The following SELP variants were observed in gnomAD, a reference collection of about 807,000 sequenced individuals.
SELP encodes P-selectin.
A neutral mutation model predicts 104.1 loss-of-function variants in SELP; 92 were observed. The ratio of observed to expected loss-of-function variants is 0.88; its 90% CI spans 0.75 to 1.05. The LOEUF (loss-of-function observed/expected upper bound fraction) is 1.05, where lower values mean the gene tolerates loss of function less well. SELP is among the 50% of genes least tolerant of loss of function. SELP has a pLI of 0.00. For missense variants in SELP, 1,022 were observed against 1,017.3 expected, an observed-to-expected ratio of 1.00 and a Z score of -0.06; for synonymous variants, 397 against 364.5, an observed-to-expected ratio of 1.09 and a Z score of -1.01.
chr1:169,605,448 A>G (rs180797913), intron 9 of SELP, among the ~76,000 whole-genome samples: 1 of 143,974 alleles, frequency 6.9e-6, no homozygotes, highest in East Asian at 2.5e-4. Flanking sequence ...TCATTCATTC[A>G]TTTACTGTTG....
chr1:169,622,875 C>T (rs560723132), intron 1 of SELP, among the ~76,000 whole-genome samples: 2 of 152,218 alleles, frequency 1.3e-5, no homozygotes, highest in East Asian at 3.9e-4. Flanking sequence ...TAAGAGCCTG[C>T]TTGTGGTCTT....
At chr1:169,601,619 C>T (rs1046111660) in intron 10 of SELP, among the ~76,000 whole-genome samples, 5 of 152,196 alleles carry the variant, frequency 3.3e-5, no homozygotes, top group African/African-American at 1.2e-4. Flanking sequence ...AGTAAATTCA[C>T]AAGTGACTTA....
In SELP at chr1:169,589,432, T is replaced by C. The variant is rs1196228438; in HGVS notation, c.*31A>G. 6.6e-6 allele frequency: 1 copy of C among 152,276 alleles called. No individual in the cohort carries two copies. Among genetic ancestry groups the C allele is most frequent in the Non-Finnish European group, 1.5e-5 (1 of 68,124 alleles). 9.4% of individuals were successfully genotyped at this position (152,276 alleles called of 1,614,324 possible). A position where few individuals can be genotyped will look rare whatever the true frequency, so the allele number is the denominator to read the frequency against. ...CCAGAGCTAATCTAAGGTAATTCCA[T>C]GTCTTTGATTCATGGGTGTTTATGG... On this transcript the variant is annotated 3_prime_UTR_variant, in exon 17 of 17. Transcript: ENST00000263686.
intron 1 of SELP, among the ~76,000 whole-genome samples, chr1:169,624,251 C>T (rs1663269720): frequency 1.3e-5 from 2 of 152,122 alleles, no homozygotes; most frequent in South Asian, 4.1e-4. Context: ...GCTGCTCTGT[C>T]CTGTGTTACT....
intron 1 of SELP, among the ~76,000 whole-genome samples, chr1:169,629,564 G>A (rs1376352773): frequency 6.6e-6 from 1 of 152,228 alleles, no homozygotes; most frequent in East Asian, 1.9e-4. Context: ...AGATTCATAG[G>A]CTCACAGAAA....
intron 9 of SELP, among the ~76,000 whole-genome samples, chr1:169,604,578 C>T (rs113586661): frequency 5.2e-4 from 79 of 152,354 alleles, no homozygotes; most frequent in Middle Eastern, 6.8e-3. Context: ...TTCAAGAACA[C>T]TTTCTACGCC....
Position 169,603,186 on chromosome 1 carries a change from G to C in SELP, c.1545C>G (p.Ser515Arg). Reference protein sequence around the residue: ...CQAIPCTPLLSPQNGTMTCVQ... With the variant: ...CQAIPCTPLLRPQNGTMTCVQ... The stretch of plus-strand genomic sequence containing the variant: ...CACAGGTCATTGTTCCATTCTGAGG[G>C]CTTAGCAAAGGTGTGCAGGGAATGG... Residue 515 changes from serine to arginine, a missense_variant, in exon 10 of 17, where the codon AGC becomes AGG. Transcript: ENST00000263686. 6.2e-7 allele frequency: 1 copy of C among 1,613,572 alleles called. No individual in the cohort carries two copies. Among genetic ancestry groups the C allele is most frequent in the Non-Finnish European group, 8.5e-7 (1 of 1,179,624 alleles).
At chr1:169,623,637 A>C (rs371573590) in intron 1 of SELP, among the ~76,000 whole-genome samples, 3 of 152,226 alleles carry the variant, frequency 2.0e-5, no homozygotes, top group African/African-American at 7.2e-5. Flanking sequence ...CTAAGAAAGG[A>C]AAATGCAAGT....
At chr1:169,608,032 A>T (rs2101895529) in intron 8 of SELP, among the ~76,000 whole-genome samples, 1 of 152,262 alleles carries the variant, frequency 6.6e-6, no homozygotes, top group South Asian at 2.1e-4. Context: ...TAAGTGTGTC[A>T]AAGAGCTCAT....
intron 12 of SELP, among the ~76,000 whole-genome samples, chr1:169,595,686 GTTTC>G (rs1163392300): frequency 2.6e-5 from 4 of 152,176 alleles, no homozygotes; most frequent in African/African-American, 9.7e-5. Context: ...ATCTGCAAAT[GTTTC>G]TTCCTTTAAG....
intron 8 of SELP, 32 bp downstream of exon 8, chr1:169,609,472 C>G: frequency 6.3e-7 from 1 of 1,588,624 alleles, no homozygotes; most frequent in South Asian, 1.1e-5. Flanking sequence ...CGAGCTGAGA[C>G]ACACAGAAAA....
At chr1:169,626,843 C>T (rs973416286) in intron 1 of SELP, among the ~76,000 whole-genome samples, 21 of 152,144 alleles carry the variant, frequency 1.4e-4, no homozygotes, top group African/African-American at 5.1e-4. Flanking sequence ...TACAGGCATG[C>T]ATCACCACAC....
At chr1:169,600,778 T>C (rs1571632357) in intron 10 of SELP, among the ~76,000 whole-genome samples, 1 of 152,182 alleles carries the variant, frequency 6.6e-6, no homozygotes, top group Admixed American at 6.5e-5. Context: ...AGAGGAACCA[T>C]TTGCCTAAAT....
Position 169,596,068 on chromosome 1 carries a change from A to G in SELP, c.1958T>C (p.Met653Thr). Residue 653 changes from methionine to threonine, a missense_variant, in exon 12 of 17, where the codon ATG becomes ACG. Met to Thr is a moderately conservative substitution (Grantham distance 81). Coordinates refer to ENST00000263686, the MANE Select transcript of SELP (RefSeq NM_003005.4). Reference protein sequence around the residue: ...PALTTPGQGTMYCRHHPGTFG... With the variant: ...PALTTPGQGTTYCRHHPGTFG... ...GGTTCCCGGATGATGCCTACAGTAC[A>G]TGGTTCCCTGCCCAGGAGTGGTGAG... 4 of 1,613,868 alleles carry G rather than the reference A, an allele frequency of 2.5e-6. No homozygotes were observed. The highest frequency in any genetic ancestry group is 1.7e-5 in the Admixed American group (1 of 60,004).
chr1:169,599,671 A>G (rs1238174993), intron 10 of SELP, among the ~76,000 whole-genome samples: 3 of 152,250 alleles, frequency 2.0e-5, no homozygotes, highest in Admixed American at 2.0e-4. Context: ...TAATAAATGT[A>G]TCTGAGTTGA....
intron 3 of SELP, among the ~76,000 whole-genome samples, chr1:169,616,089 C>A (rs925590794): frequency 6.6e-6 from 1 of 152,112 alleles, no homozygotes; most frequent in Non-Finnish European, 1.5e-5. Flanking sequence ...TAGAGGAAGA[C>A]CAAGCTTTCA....
At chr1:169,624,569 T>G (rs1346032608) in intron 1 of SELP, among the ~76,000 whole-genome samples, 1 of 152,010 alleles carries the variant, frequency 6.6e-6, no homozygotes, top group Non-Finnish European at 1.5e-5. Context: ...GGCAACATGG[T>G]AAAACCTCGT....
Position 169,612,359 on chromosome 1 carries a change from CATGTTT to C in SELP, c.813_818del (p.Asn272_Met273del). ...ATGCTTTTGCAGAATGAAGGCAGGT[CATGTTT>C]CCTCGTTCAGGAATCTTCAGGGGTG... On this transcript the variant is annotated inframe_deletion, in exon 6 of 17. Transcript: ENST00000263686. 1.9e-6 allele frequency: 3 copies of C among 1,614,074 alleles called. No homozygotes were observed. In the South Asian group the frequency reaches 3.3e-5, roughly 18 times the overall value.
In SELP at chr1:169,590,191, G is replaced by T; in HGVS notation, c.2450C>A (p.Thr817Lys). The change falls in exon 16 of 17, where the codon ACA (threonine) becomes AAA (lysine). Residue 817 changes from threonine (T) to lysine (K), a missense_variant. Transcript: ENST00000263686. Reference sequence around the variant, plus strand: ...TGCAGCGTTTGTAAAAACTCCATATGTTCCTAGGTGGCTAAAGAACAGAAA... The same window carrying T: ...TGCAGCGTTTGTAAAAACTCCATATTTTCCTAGGTGGCTAAAGAACAGAAA... ...CPLNPHSHLG[T>K]YGVFTNAAFD... The T allele has an allele frequency of 6.2e-7, 1 of 1,612,746 alleles. No homozygotes were observed. The highest frequency in any genetic ancestry group is 8.5e-7 in the Non-Finnish European group (1 of 1,178,856).
Sources: allele counts gnomAD v4.1 joint callset (sites outside exome capture counted in the v4.1 genomes callset), GRCh38; gene constraint gnomAD v4.1.1; transcripts MANE v1.5; gene names NCBI Gene and HGNC (gene_info 2026-07-23, HGNC 2026-07-21).